The following EPHA3 variants were observed in gnomAD, a reference collection of about 807,000 sequenced individuals.
EPHA3 encodes EPH receptor A3.
Under a neutral mutation model 107.1 loss-of-function variants are expected in EPHA3, and 42 were observed. The observed-to-expected ratio is 0.39, with a 90% CI of 0.31 to 0.51. EPHA3 has a LOEUF of 0.51. Among genes scored for constraint, EPHA3 ranks in the 20% least tolerant of loss-of-function variants. The pLI is 0.78. For missense variants in EPHA3, 1,183 were observed against 1,211.2 expected (o/e 0.98, Z 0.35); for synonymous variants, 461 against 424.8 (o/e 1.09, Z -1.05).
intron 13 of EPHA3, among the ~76,000 whole-genome samples, chr3:89,438,060 T>G (rs1709707986): frequency 6.6e-6 from 1 of 152,016 alleles, no homozygotes; most frequent in African/African-American, 2.4e-5. Context: ...GCCAGATATA[T>G]TCTATACAAC....
At chr3:89,164,165 G>T (rs1705009665) in intron 2 of EPHA3, among the ~76,000 whole-genome samples, 1 of 152,168 alleles carries the variant, frequency 6.6e-6, no homozygotes, top group Non-Finnish European at 1.5e-5. Context: ...CCTAGACAAG[G>T]AATGTCCAAT....
chr3:89,204,372 C>T (rs189432990), intron 2 of EPHA3, among the ~76,000 whole-genome samples: 39 of 152,094 alleles, frequency 2.6e-4, no homozygotes, highest in African/African-American at 8.0e-4. Context: ...TATTTGTCTT[C>T]GGATCCTGTC....
intron 2 of EPHA3, among the ~76,000 whole-genome samples, chr3:89,149,310 A>G (rs1704638455): frequency 6.6e-6 from 1 of 152,008 alleles, no homozygotes; most frequent in Non-Finnish European, 1.5e-5. Flanking sequence ...TGAGGATGGA[A>G]CAACCACTAT....
chr3:89,353,215 G>A (rs1413590662), intron 5 of EPHA3, among the ~76,000 whole-genome samples: 1 of 151,210 alleles, frequency 6.6e-6, no homozygotes, highest in African/African-American at 2.4e-5. Flanking sequence ...AGAACTGTAT[G>A]TTGCCGTGTA....
At chr3:89,237,342 GC>G (rs1202716509) in intron 3 of EPHA3, among the ~76,000 whole-genome samples, 3 of 152,232 alleles carry the variant, frequency 2.0e-5, no homozygotes, top group African/African-American at 4.8e-5. Flanking sequence ...CTGCACCTCA[GC>G]CTGGGTGACA....
chr3:89,372,345 C>A lies in EPHA3; in HGVS notation c.1307-23492C>A, dbSNP rs1180192384. 2.6e-5 allele frequency among the ~76,000 whole-genome samples: 4 copies of A among 151,762 alleles called. No homozygotes were observed. In the East Asian group the frequency reaches 7.8e-4, roughly 30 times the overall value. On this transcript the variant is annotated intron_variant, in intron 5 of 16. Coordinates refer to ENST00000336596, the MANE Select transcript of EPHA3 (RefSeq NM_005233.6). ...ATAGTGTGATGGAGACTATTGGTTA[C>A]TTCTAGCAGCAACCCCCTCACCCTC...
In EPHA3 at chr3:89,291,193, A is replaced by C. The variant is rs560625581; in HGVS notation, c.815-49723A>C. Among the ~76,000 whole-genome samples, 11 of 152,266 alleles carry C rather than the reference A, an allele frequency of 7.2e-5. No individual in the cohort carries two copies. The South Asian group carries it at 2.1e-3, about 29-fold the overall frequency. ...CTAAATCTCTTTCTCCTCTAATATC[A>C]TCATATATATTATGGGGTTGGTCTA... On this transcript the variant is annotated intron_variant, in intron 3 of 16. Coordinates refer to ENST00000336596, the MANE Select transcript of EPHA3 (RefSeq NM_005233.6).
rs1710603846 is a variant in EPHA3, at chr3:89,480,588, T to G, written c.*1086T>G. On this transcript the variant is annotated 3_prime_UTR_variant, in exon 17 of 17. Coordinates refer to ENST00000336596, the MANE Select transcript of EPHA3 (RefSeq NM_005233.6). ...ATCCTATATAGAATGCTGCACTAAT[T>G]GACAACACAGCCTATAGGCCAATGC... 4.3e-6 allele frequency: 1 copy of G among 232,516 alleles called. No individual in the cohort carries two copies. Among genetic ancestry groups the G allele is most frequent in the Admixed American group, 5.6e-5 (1 of 17,724 alleles). 14.4% of individuals were successfully genotyped at this position (232,516 alleles called of 1,614,324 possible).
intron 5 of EPHA3, among the ~76,000 whole-genome samples, chr3:89,376,007 G>A (rs924470728): frequency 6.6e-6 from 1 of 151,724 alleles, no homozygotes; most frequent in African/African-American, 2.4e-5. Context: ...CATGGCACCT[G>A]GCATACAGTA....
At chr3:89,255,159 A>G (rs1195387286) in intron 3 of EPHA3, among the ~76,000 whole-genome samples, 5 of 152,220 alleles carry the variant, frequency 3.3e-5, no homozygotes, top group Non-Finnish European at 5.9e-5. Context: ...TCTTATATAT[A>G]GCATATACTT....
At chr3:89,460,839 A>G (rs1439436065) in intron 15 of EPHA3, among the ~76,000 whole-genome samples, 1 of 61,060 alleles carries the variant, frequency 1.6e-5, no homozygotes, top group Non-Finnish European at 3.6e-5. Flanking sequence ...TTTTTTTTTT[A>G]TTATACTCTA....
intron 3 of EPHA3, among the ~76,000 whole-genome samples, chr3:89,212,098 T>C (rs1206643438): frequency 6.6e-6 from 1 of 151,908 alleles, no homozygotes; most frequent in Admixed American, 6.6e-5. Context: ...TAAGGAGTGG[T>C]ATAAAAATTA....
rs116723031 is a variant in EPHA3 at position 89,430,704 on chromosome 3, T to C, written c.2137-446T>C. On this transcript the variant is annotated intron_variant, in intron 12 of 16. Coordinates refer to ENST00000336596, the MANE Select transcript of EPHA3 (RefSeq NM_005233.6). ...ATTATGAACTAATTATTTATGATAA[T>C]GTTTAAAAATGTAGCATCCACCTTA... 2.6e-3 allele frequency among the ~76,000 whole-genome samples: 396 copies of C among 152,268 alleles called. 1 individual carries two copies. The highest frequency in any genetic ancestry group is 4.7e-3 in the Non-Finnish European group (318 of 68,014).
At chr3:89,295,229 A>T (rs1302186807) in intron 3 of EPHA3, among the ~76,000 whole-genome samples, 1 of 152,214 alleles carries the variant, frequency 6.6e-6, no homozygotes, top group African/African-American at 2.4e-5. Flanking sequence ...TATGTCTAAA[A>T]AACAGTGTAC....
intron 3 of EPHA3, among the ~76,000 whole-genome samples, chr3:89,275,743 G>T (rs1457171614): frequency 6.6e-6 from 1 of 151,938 alleles, no homozygotes; most frequent in African/African-American, 2.4e-5. Context: ...TTCATATTTG[G>T]TTTAAGTTTT....
intron 3 of EPHA3, among the ~76,000 whole-genome samples, chr3:89,286,395 T>C (rs1241134877): frequency 1.3e-5 from 2 of 151,996 alleles, no homozygotes; most frequent in Non-Finnish European, 2.9e-5. Context: ...ATCTGATTAA[T>C]GTTTCCTCTG....
intron 3 of EPHA3, among the ~76,000 whole-genome samples, chr3:89,213,318 A>C (rs950901615): frequency 2.0e-5 from 3 of 152,022 alleles, no homozygotes; most frequent in African/African-American, 7.2e-5. Context: ...TAGGTTCTCA[A>C]GTAGATACCT....
intron 2 of EPHA3, among the ~76,000 whole-genome samples, chr3:89,208,972 TA>T (rs1473909449): frequency 6.6e-6 from 1 of 152,156 alleles, no homozygotes; most frequent in Non-Finnish European, 1.5e-5. Flanking sequence ...ACTGGTCTAA[TA>T]GTTTTAGGAT....
chr3:89,132,812 C>T (rs1704233692), intron 2 of EPHA3, among the ~76,000 whole-genome samples: 1 of 152,144 alleles, frequency 6.6e-6, no homozygotes, highest in African/African-American at 2.4e-5. Context: ...ATTGCTTGAG[C>T]CCAAGAGTTC....
Sources: allele counts gnomAD v4.1 joint callset (sites outside exome capture counted in the v4.1 genomes callset), GRCh38; gene constraint gnomAD v4.1.1; transcripts MANE v1.5; gene names NCBI Gene and HGNC (gene_info 2026-07-23, HGNC 2026-07-21).